The following NOL10 variants were observed in gnomAD, a reference collection of about 807,000 sequenced individuals.
NOL10 encodes the protein H_NH0074G24.1.
NOL10 carries 58 observed loss-of-function variants against 103.5 expected under a neutral mutation model. The observed-to-expected ratio is 0.56, with a 90% CI of 0.45 to 0.70. The LOEUF is 0.70. Ranked by LOEUF, NOL10 falls within the 30% of genes least tolerant of loss-of-function variation. The pLI, the probability that NOL10 is intolerant of heterozygous loss-of-function variation, is 0.00. For missense variants in NOL10, 763 were observed against 807.3 expected, an observed-to-expected ratio of 0.95 and a Z score of 0.67; for synonymous variants, 287 against 282.5, an observed-to-expected ratio of 1.02 and a Z score of -0.16.
At chr2:10,611,194 T>C (rs1676547033) in intron 13 of NOL10, among the ~76,000 whole-genome samples, 1 of 151,976 alleles carries the variant, frequency 6.6e-6, no homozygotes, top group South Asian at 2.1e-4. Flanking sequence ...TTAGCAACTT[T>C]AATGATAATC....
chr2:10,572,288 A>C, intron 20 of NOL10, 98 bp from the exon 21 acceptor site: 1 of 1,302,042 alleles, frequency 7.7e-7, no homozygotes, highest in Non-Finnish European at 1.1e-6. Context: ...CACCAATCTC[A>C]GAACTGCTGC....
chr2:10,645,739 C>T (rs923259407), intron 12 of NOL10, among the ~76,000 whole-genome samples: 1 of 151,960 alleles, frequency 6.6e-6, no homozygotes, highest in Non-Finnish European at 1.5e-5. Context: ...CCATGTTAGC[C>T]AGGACAGTCT....
At chr2:10,689,543 T>C (rs1344577681) in intron 1 of NOL10, among the ~76,000 whole-genome samples, 1 of 152,202 alleles carries the variant, frequency 6.6e-6, no homozygotes, top group Admixed American at 6.5e-5. Context: ...CAGAGAACTT[T>C]ACAAAAGTTC....
At chr2:10,656,473 G>A (rs983249288) in intron 11 of NOL10, among the ~76,000 whole-genome samples, 2 of 152,230 alleles carry the variant, frequency 1.3e-5, no homozygotes, top group Non-Finnish European at 2.9e-5. Context: ...TGAATTAGGT[G>A]AGGGCCTCAG....
chr2:10,684,550 G>A lies in NOL10; in HGVS notation c.112+17C>T. 1 of 1,564,442 alleles carries A rather than the reference G, an allele frequency of 6.4e-7. No individual in the cohort carries two copies. The highest frequency in any genetic ancestry group is 1.2e-5 in the South Asian group (1 of 84,138). On this transcript the variant is annotated intron_variant, in intron 2 of 20. Coordinates refer to ENST00000381685, the MANE Select transcript of NOL10 (RefSeq NM_024894.4). ...TGGATCACTAACGCAGCTGAAGTGG[G>A]AAAAAACAATACTCACCTACATCTT...
chr2:10,657,537 A>G (rs927796859), intron 11 of NOL10, among the ~76,000 whole-genome samples: 11 of 151,770 alleles, frequency 7.2e-5, no homozygotes, highest in African/African-American at 2.7e-4. Flanking sequence ...AATTGGGAAA[A>G]CTTAACAGAA....
intron 20 of NOL10, among the ~76,000 whole-genome samples, chr2:10,575,010 G>A (rs1032108075): frequency 1.3e-4 from 20 of 152,330 alleles, no homozygotes; most frequent in African/African-American, 4.1e-4. Context: ...GCCATGTGGC[G>A]GATTCAGGAG....
chr2:10,654,599 T>C (rs762787777), intron 11 of NOL10, 52 bp from the exon 12 acceptor site: 25 of 1,203,350 alleles, frequency 2.1e-5, no homozygotes, highest in Non-Finnish European at 2.9e-5. Flanking sequence ...ACAACAACTT[T>C]GGCAATGTCA....
chr2:10,594,800 G>A (rs544985546), intron 17 of NOL10, among the ~76,000 whole-genome samples: 15 of 152,008 alleles, frequency 9.9e-5, no homozygotes, highest in Admixed American at 3.3e-4. Context: ...AGACCAGCCC[G>A]GACAACACAG....
chr2:10,595,321 T>A (rs1159774552), intron 17 of NOL10, among the ~76,000 whole-genome samples: 1 of 135,742 alleles, frequency 7.4e-6, no homozygotes. Context: ...TTTAGGTTTT[T>A]TTTGTTTTTG....
rs189279537 is a variant in NOL10, at chr2:10,661,359, G to A, written c.677+1600C>T. On this transcript the variant is annotated intron_variant, in intron 9 of 20. Coordinates refer to ENST00000381685, the MANE Select transcript of NOL10 (RefSeq NM_024894.4). ...CAAAGTGCTGGGATTACAGGCATGA[G>A]CCACCATGCCCAGCCTATTTATTTA... Among the ~76,000 whole-genome samples, 7 of 152,034 alleles carry A rather than the reference G, an allele frequency of 4.6e-5. No individual in the cohort carries two copies. In the East Asian group the frequency reaches 1.4e-3, roughly 29 times the overall value.
chr2:10,676,732 G>C (rs1238071853), intron 3 of NOL10, among the ~76,000 whole-genome samples: 1 of 151,144 alleles, frequency 6.6e-6, no homozygotes, highest in Non-Finnish European at 1.5e-5. Flanking sequence ...CCGCCTCCCA[G>C]GTTCAAGCTA....
chr2:10,637,920 GTTTTA>G (rs990911157), intron 13 of NOL10, among the ~76,000 whole-genome samples: 6 of 142,532 alleles, frequency 4.2e-5, no homozygotes, highest in Admixed American at 1.4e-4. Flanking sequence ...TTTAATCAGT[GTTTTA>G]TTTTAAACAG....
intron 17 of NOL10, among the ~76,000 whole-genome samples, chr2:10,590,494 A>G (rs1021573897): frequency 6.6e-6 from 1 of 152,214 alleles, no homozygotes; most frequent in African/African-American, 2.4e-5. Context: ...GGAGGTATAC[A>G]AAGTCAGTAA....
At chr2:10,624,042 TG>T (rs1488550680) in intron 13 of NOL10, among the ~76,000 whole-genome samples, 3 of 152,218 alleles carry the variant, frequency 2.0e-5, no homozygotes, top group Admixed American at 2.0e-4. Flanking sequence ...CCTTCCTGTG[TG>T]ATCTCTGGTT....
chr2:10,682,520 C>T (rs986485038), intron 2 of NOL10, among the ~76,000 whole-genome samples: 4 of 150,976 alleles, frequency 2.6e-5, no homozygotes, highest in Non-Finnish European at 5.9e-5. Context: ...ACACCTCAGC[C>T]CCCCCAAATA....
chr2:10,584,414 AC>A (rs1443432531), intron 19 of NOL10, among the ~76,000 whole-genome samples: 1 of 152,250 alleles, frequency 6.6e-6, no homozygotes, highest in African/African-American at 2.4e-5. Context: ...CAACAGACAC[AC>A]GTGTTTATCT....
At chr2:10,684,659 T>C (rs751576246) in intron 1 of NOL10, 47 bp from the exon 2 acceptor site, 5 of 1,475,208 alleles carry the variant, frequency 3.4e-6, no homozygotes, top group East Asian at 2.5e-5. Context: ...TTTAGCTAAA[T>C]TGTTTTTCGG....
chr2:10,582,946 T>C lies in NOL10; in HGVS notation c.1845-5208A>G, dbSNP rs982505259. 1.4e-4 allele frequency among the ~76,000 whole-genome samples: 22 copies of C among 152,318 alleles called. 1 individual carries two copies. The highest frequency in any genetic ancestry group is 4.6e-4 in the Admixed American group (7 of 15,298). On this transcript the variant is annotated intron_variant, in intron 19 of 20. Transcript: ENST00000381685. ...CACTAACTGTTTACTGTGTTTTCTA[T>C]CTCCCAGTCACTTGTGTCTCTATTG...
Sources: allele counts gnomAD v4.1 joint callset (sites outside exome capture counted in the v4.1 genomes callset), GRCh38; gene constraint gnomAD v4.1.1; transcripts MANE v1.5; gene names NCBI Gene and HGNC (gene_info 2026-07-23, HGNC 2026-07-21).